Variants in SHANK2 observed in about 807,000 individuals in gnomAD.
SHANK2 encodes the protein SH3 and multiple ankyrin repeat domains protein 2.
SHANK2 carries 43 observed loss-of-function variants against 133.7 expected under a neutral mutation model. The observed-to-expected ratio is 0.32, with a 90% CI of 0.25 to 0.41. SHANK2 has a LOEUF of 0.41. SHANK2 is among the 10% of genes least tolerant of loss of function. SHANK2 has a pLI of 1.00. For synonymous variants in SHANK2, 1,017 were observed against 952.8 expected (o/e 1.07, Z -1.24); for missense variants, 1,994 against 2,235.8 (o/e 0.89, Z 2.18).
chr11:71,094,810 T>C, intron 6 of SHANK2, 122 bp from the exon 7 acceptor site: 1 of 1,103,468 alleles, frequency 9.1e-7, no homozygotes, highest in Non-Finnish European at 1.3e-6. Context: ...CCAGGGTGTT[T>C]ACAGCTCCCA....
At chr11:71,232,286 C>A (rs1451562698) in intron 1 of SHANK2, among the ~76,000 whole-genome samples, 1 of 152,154 alleles carries the variant, frequency 6.6e-6, no homozygotes, top group Non-Finnish European at 1.5e-5. Flanking sequence ...CTGGTGTGGA[C>A]AGCAGCATTT....
chr11:70,859,185 A>T (rs1330256969), intron 11 of SHANK2, among the ~76,000 whole-genome samples: 2 of 152,202 alleles, frequency 1.3e-5, no homozygotes, highest in African/African-American at 2.4e-5. Context: ...AGATGAACAG[A>T]TGTCTGGATG....
intron 17 of SHANK2, among the ~76,000 whole-genome samples, chr11:70,589,860 C>T (rs955903375): frequency 7.9e-5 from 12 of 152,034 alleles, no homozygotes; most frequent in Admixed American, 2.0e-4. Context: ...AACTAGAATT[C>T]GAAGTGGAGC....
chr11:71,080,532 G>A (rs1268811615), intron 8 of SHANK2, among the ~76,000 whole-genome samples: 1 of 152,152 alleles, frequency 6.6e-6, no homozygotes, highest in Admixed American at 6.5e-5. Flanking sequence ...TGCACTGCAG[G>A]GGAGCAGCAC....
chr11:70,679,021 T>C (rs187302503), intron 15 of SHANK2, among the ~76,000 whole-genome samples: 1 of 152,052 alleles, frequency 6.6e-6, no homozygotes, highest in East Asian at 1.9e-4. Context: ...AGGACAACCT[T>C]CCTCCCCCGC....
chr11:70,786,696 A>AG (rs1947661095), intron 14 of SHANK2, among the ~76,000 whole-genome samples: 1 of 152,132 alleles, frequency 6.6e-6, no homozygotes, highest in Admixed American at 6.5e-5. Flanking sequence ...AAGAACTAGA[A>AG]GGGGAAAGCC....
intron 17 of SHANK2, among the ~76,000 whole-genome samples, chr11:70,563,300 A>G (rs904800021): frequency 6.6e-6 from 1 of 152,182 alleles, no homozygotes; most frequent in Non-Finnish European, 1.5e-5. Context: ...ATCACTGCTG[A>G]TGTTCTACCA....
intron 21 of SHANK2, among the ~76,000 whole-genome samples, chr11:70,494,053 G>C (rs782518851): frequency 1.3e-5 from 2 of 152,206 alleles, no homozygotes; most frequent in African/African-American, 2.4e-5. Context: ...AAGGCATCAG[G>C]CTCCTGACAA....
At chr11:70,822,821 C>T (rs543898469) in intron 11 of SHANK2, among the ~76,000 whole-genome samples, 1 of 89,850 alleles carries the variant, frequency 1.1e-5, no homozygotes, top group African/African-American at 4.5e-5. Flanking sequence ...AGAGGTGGCG[C>T]TGGCAGAGCT....
chr11:71,091,332 G>T (rs1458017370), intron 8 of SHANK2, among the ~76,000 whole-genome samples: 1 of 152,150 alleles, frequency 6.6e-6, no homozygotes, highest in Non-Finnish European at 1.5e-5. Flanking sequence ...AACTGACCTA[G>T]CACAAGAAAG....
intron 10 of SHANK2, among the ~76,000 whole-genome samples, chr11:70,908,839 T>C (rs558442952): frequency 6.6e-6 from 1 of 152,280 alleles, no homozygotes; most frequent in East Asian, 1.9e-4. Context: ...ACCCAACTGA[T>C]CTACCTCCAT....
At chr11:70,900,031 G>A (rs1202891313) in intron 10 of SHANK2, among the ~76,000 whole-genome samples, 3 of 152,176 alleles carry the variant, frequency 2.0e-5, no homozygotes, top group Non-Finnish European at 4.4e-5. Flanking sequence ...GTTTAGAGCA[G>A]TGCGTGGCAC....
rs184453241 is a variant in SHANK2 at position 70,602,264 on chromosome 11, T to C, written c.2061+57564A>G. 3.7e-4 allele frequency among the ~76,000 whole-genome samples: 57 copies of C among 152,324 alleles called. No individual in the cohort carries two copies. The East Asian group carries it at 8.1e-3, about 22-fold the overall frequency. On this transcript the variant is annotated intron_variant, in intron 17 of 25. Transcript: ENST00000601538. ...ACAGCCTGCAGAACTGTGAGCCAATTACACCTCTTTTCTTATAAATTACCC... is the reference window on the plus strand; with the variant it reads ...ACAGCCTGCAGAACTGTGAGCCAATCACACCTCTTTTCTTATAAATTACCC...
intron 17 of SHANK2, among the ~76,000 whole-genome samples, chr11:70,510,351 C>T (rs2059188063): frequency 6.6e-6 from 1 of 152,182 alleles, no homozygotes; most frequent in African/African-American, 2.4e-5. Context: ...ACTGCCGCAG[C>T]CCTGGGAGGG....
At chr11:70,916,609 A>C (rs1157453319) in intron 10 of SHANK2, among the ~76,000 whole-genome samples, 1 of 152,118 alleles carries the variant, frequency 6.6e-6, no homozygotes, top group Non-Finnish European at 1.5e-5. Context: ...CGGCAAGAGG[A>C]TGATGACCTA....
intron 10 of SHANK2, among the ~76,000 whole-genome samples, chr11:70,922,521 T>C (rs1374515603): frequency 1.3e-5 from 2 of 151,948 alleles, no homozygotes; most frequent in Non-Finnish European, 2.9e-5. Flanking sequence ...TTATCTACAA[T>C]CACACCGACA....
chr11:70,875,564 T>A (rs1261254168), intron 11 of SHANK2, among the ~76,000 whole-genome samples: 1 of 110,580 alleles, frequency 9.0e-6, no homozygotes, highest in Non-Finnish European at 1.9e-5. Context: ...CAACAACAAA[T>A]ATTGCATGTC....
chr11:71,059,409 G>T (rs1950961293), intron 9 of SHANK2, among the ~76,000 whole-genome samples: 1 of 152,144 alleles, frequency 6.6e-6, no homozygotes, highest in African/African-American at 2.4e-5. Flanking sequence ...GTTGATGGTG[G>T]TGATGGCTGC....
chr11:71,191,795 G>A (rs896055774), intron 2 of SHANK2, among the ~76,000 whole-genome samples: 1 of 152,128 alleles, frequency 6.6e-6, no homozygotes, highest in African/African-American at 2.4e-5. Flanking sequence ...CTGGCCTCAG[G>A]TGCCTGCCTC....
Sources: allele counts gnomAD v4.1 joint callset (sites outside exome capture counted in the v4.1 genomes callset), GRCh38; gene constraint gnomAD v4.1.1; transcripts MANE v1.5; gene names NCBI Gene and HGNC (gene_info 2026-07-23, HGNC 2026-07-21).